The following KCNJ3 variants were observed in gnomAD, a reference collection of about 807,000 sequenced individuals.
KCNJ3 encodes the protein potassium inwardly rectifying channel subfamily J member 3, also known as G protein-activated inward rectifier potassium channel 1.
KCNJ3 carries 4 observed loss-of-function variants against 39.2 expected under a neutral mutation model. The observed-to-expected ratio is 0.10, with a 90% confidence interval of 0.05 to 0.23. The LOEUF is 0.23. Among genes scored for constraint, KCNJ3 ranks in the 10% least tolerant of loss-of-function variants. KCNJ3 has a pLI of 1.00. For synonymous variants in KCNJ3, 230 were observed against 237.4 expected, an observed-to-expected ratio of 0.97 and a Z score of 0.29; for missense variants, 276 against 634.9, an observed-to-expected ratio of 0.43 and a Z score of 6.08.
At chr2:154,760,354 G>T (rs1027380861) in intron 2 of KCNJ3, among the ~76,000 whole-genome samples, 5 of 152,066 alleles carry the variant, frequency 3.3e-5, no homozygotes. Flanking sequence ...TGAGATATGT[G>T]TGTTATGACT....
intron 2 of KCNJ3, among the ~76,000 whole-genome samples, chr2:154,785,721 T>C (rs990158587): frequency 2.0e-5 from 3 of 152,190 alleles, no homozygotes; most frequent in Non-Finnish European, 4.4e-5. Context: ...GTCAGTGATA[T>C]TCTATTATAG....
chr2:154,843,907 A>G (rs1342057950), intron 2 of KCNJ3, among the ~76,000 whole-genome samples: 4 of 151,930 alleles, frequency 2.6e-5, no homozygotes, highest in Non-Finnish European at 5.9e-5. Flanking sequence ...TAGCTCAGAG[A>G]AGTTTGTTAT....
At chr2:154,712,270 G>T (rs77965171) in intron 2 of KCNJ3, among the ~76,000 whole-genome samples, 1 of 152,018 alleles carries the variant, frequency 6.6e-6, no homozygotes, top group African/African-American at 2.4e-5. Context: ...AGATTTATTT[G>T]GTTTCATCTT....
chr2:154,739,586 A>G (rs929784594), intron 2 of KCNJ3, among the ~76,000 whole-genome samples: 2 of 151,994 alleles, frequency 1.3e-5, no homozygotes, highest in African/African-American at 4.8e-5. Flanking sequence ...GAGACTCCCA[A>G]CCTTCATCCT....
chr2:154,766,259 C>A (rs980511183), intron 2 of KCNJ3, among the ~76,000 whole-genome samples: 8 of 152,148 alleles, frequency 5.3e-5, no homozygotes, highest in Non-Finnish European at 1.0e-4. Flanking sequence ...TCATTCTAAC[C>A]ACTTTCTTTT....
At chr2:154,746,640 G>GTATATATATATATATATATATGTATATA (rs1432995710) in intron 2 of KCNJ3, among the ~76,000 whole-genome samples, 1 of 77,534 alleles carries the variant, frequency 1.3e-5, no homozygotes, top group Non-Finnish European at 2.3e-5. Flanking sequence ...ATGTATATAT[G>GTATATATATATATATATATATGTATATA]TGTATATATA....
rs972683462 is a variant in KCNJ3 at position 154,857,220 on chromosome 2, T to C, written c.*1907T>C. On this transcript the variant is annotated 3_prime_UTR_variant, in exon 3 of 3. Coordinates refer to ENST00000295101, the MANE Select transcript of KCNJ3 (RefSeq NM_002239.4). Reference sequence around the variant, plus strand: ...TTTGTAGATGTAGGAAACAAAATAGTGACAGAGAGAGAAGGGGGTCCACAG... The same window carrying C: ...TTTGTAGATGTAGGAAACAAAATAGCGACAGAGAGAGAAGGGGGTCCACAG... 3 of 152,046 alleles carry C rather than the reference T, an allele frequency of 2.0e-5. No homozygotes were observed. The highest frequency in any genetic ancestry group is 7.2e-5 in the African/African-American group (3 of 41,382). 9.4% of individuals were successfully genotyped at this position (152,046 alleles called of 1,614,324 possible).
chr2:154,814,256 A>T (rs2591144), intron 2 of KCNJ3, among the ~76,000 whole-genome samples: 103,509 of 152,058 alleles, frequency 0.68, 37,024 homozygotes, highest in East Asian at 0.94. Context: ...TACTATAAAT[A>T]ACTAGCAAAT....
intron 2 of KCNJ3, among the ~76,000 whole-genome samples, chr2:154,753,997 A>G (rs1194887191): frequency 1.3e-5 from 2 of 152,192 alleles, no homozygotes; most frequent in Admixed American, 6.5e-5. Context: ...ATAATTTTTT[A>G]CTATGAATCT....
At chr2:154,840,894 C>A (rs368951323) in intron 2 of KCNJ3, among the ~76,000 whole-genome samples, 1 of 152,158 alleles carries the variant, frequency 6.6e-6, no homozygotes, top group African/African-American at 2.4e-5. Flanking sequence ...GACAATTTGA[C>A]TTCCTCATTT....
At chr2:154,720,240 C>T (rs1288635276) in intron 2 of KCNJ3, among the ~76,000 whole-genome samples, 1 of 151,896 alleles carries the variant, frequency 6.6e-6, no homozygotes, top group Non-Finnish European at 1.5e-5. Context: ...GGGTGACTTA[C>T]CCTTGAAGCA....
chr2:154,852,395 C>T (rs1386052782), intron 2 of KCNJ3, among the ~76,000 whole-genome samples: 3 of 151,574 alleles, frequency 2.0e-5, no homozygotes, highest in South Asian at 2.1e-4. Context: ...GATCTCATCT[C>T]GAAAAACATA....
Position 154,856,074 on chromosome 2 carries a change from T to G in KCNJ3, c.*761T>G, listed in dbSNP as rs976380165. 2 of 152,606 alleles carry G rather than the reference T, an allele frequency of 1.3e-5. No individual in the cohort carries two copies. Among genetic ancestry groups the G allele is most frequent in the Non-Finnish European group, 2.9e-5 (2 of 68,006 alleles). 9.5% of individuals were successfully genotyped at this position (152,606 alleles called of 1,614,324 possible). On this transcript the variant is annotated 3_prime_UTR_variant, in exon 3 of 3. Coordinates refer to ENST00000295101, the MANE Select transcript of KCNJ3 (RefSeq NM_002239.4). ...CCATTACATGTTTAAATTGTAAATT[T>G]TAGAGCATACCAGTACTCAGTATAG...
rs59124944 is a variant in KCNJ3 at position 154,724,917 on chromosome 2, G to GTATA, written c.919+15115_919+15118dup. Among the ~76,000 whole-genome samples the GTATA allele has an allele frequency of 8.1e-4, 94 of 116,292 alleles. 4 individuals are homozygous for GTATA. Among genetic ancestry groups the GTATA allele is most frequent in the African/African-American group, 1.2e-3 (33 of 28,214 alleles). The allele number at this position is 116,292 out of a possible 152,430, so 76.3% of individuals were successfully genotyped here. On this transcript the variant is annotated intron_variant, in intron 2 of 2. Transcript: ENST00000295101. The stretch of plus-strand genomic sequence containing the variant: ...TGTATATATACAAGATACATATGAG[G>GTATA]TATATATATATATATATATACCTTT...
Position 154,855,496 on chromosome 2 carries a change from A to G in KCNJ3, c.*183A>G. The G allele has an allele frequency of 1.8e-6, 1 of 547,256 alleles. No individual in the cohort carries two copies. Among genetic ancestry groups the G allele is most frequent in the South Asian group, 2.8e-5 (1 of 35,222 alleles). The allele number at this position is 547,256 out of a possible 1,614,324, so 33.9% of individuals were successfully genotyped here. A position where few individuals can be genotyped will look rare whatever the true frequency, so the allele number is the denominator to read the frequency against. ...AGAAAGCAACAGTTACGGAGGGAGGACATCATAAGGAAGTTATTAACGGGC... is the reference window on the plus strand; with the variant it reads ...AGAAAGCAACAGTTACGGAGGGAGGGCATCATAAGGAAGTTATTAACGGGC... On this transcript the variant is annotated 3_prime_UTR_variant, in exon 3 of 3. Transcript: ENST00000295101.
In KCNJ3 at chr2:154,790,301, A is replaced by G. The variant is rs78774755; in HGVS notation, c.920-64426A>G. On this transcript the variant is annotated intron_variant, in intron 2 of 2. Transcript: ENST00000295101. ...ACTATAACTTTAGTAATCCGACGCT[A>G]GAAACTAAATGACTAGGGAAGCAGA... 4.2e-3 allele frequency among the ~76,000 whole-genome samples: 632 copies of G among 152,238 alleles called. 22 individuals are homozygous for G. In the East Asian group the frequency reaches 0.045, roughly 11 times the overall value.
At chr2:154,739,104 G>A (rs955098563) in intron 2 of KCNJ3, among the ~76,000 whole-genome samples, 1 of 152,016 alleles carries the variant, frequency 6.6e-6, no homozygotes, top group Non-Finnish European at 1.5e-5. Flanking sequence ...TTACTTTTGT[G>A]GGGGTGGGTA....
At chr2:154,721,915 G>C (rs964352876) in intron 2 of KCNJ3, among the ~76,000 whole-genome samples, 1 of 151,996 alleles carries the variant, frequency 6.6e-6, no homozygotes, top group African/African-American at 2.4e-5. Flanking sequence ...TACCAATAAT[G>C]TTTCAGTTAT....
intron 2 of KCNJ3, among the ~76,000 whole-genome samples, chr2:154,833,147 T>C (rs1296602814): frequency 6.6e-6 from 1 of 152,244 alleles, no homozygotes; most frequent in Non-Finnish European, 1.5e-5. Context: ...CAATCATTTT[T>C]ATTTCATTAT....
Sources: allele counts gnomAD v4.1 joint callset (sites outside exome capture counted in the v4.1 genomes callset), GRCh38; gene constraint gnomAD v4.1.1; transcripts MANE v1.5; gene names NCBI Gene and HGNC (gene_info 2026-07-23, HGNC 2026-07-21).